DNAH6: variants seen among roughly 807,000 people sequenced by gnomAD.
DNAH6 encodes the protein dynein axonemal heavy chain 6, also known as axonemal beta dynein heavy chain 6.
In DNAH6, 340 loss-of-function variants were observed where a neutral mutation model predicts 491.4. The ratio of observed to expected loss-of-function variants is 0.69; its 90% CI spans 0.63 to 0.76. DNAH6 has a LOEUF of 0.76. DNAH6 is among the 30% of genes least tolerant of loss of function. DNAH6 has a pLI of 0.00. For missense variants in DNAH6, 4,443 were observed against 4,972.2 expected, an observed-to-expected ratio of 0.89 and a Z score of 3.20; for synonymous variants, 1,603 against 1,686.1, an observed-to-expected ratio of 0.95 and a Z score of 1.21.
intron 32 of DNAH6, among the ~76,000 whole-genome samples, chr2:84,641,001 C>A (rs563336943): frequency 9.2e-5 from 14 of 152,330 alleles, no homozygotes; most frequent in Admixed American, 3.3e-4. Context: ...AAAGAAACTT[C>A]ATAATTCCAA....
At chr2:84,511,208 C>T in the DNAH6 span, among the ~76,000 whole-genome samples, 62 of 152,334 alleles carry the variant, frequency 4.1e-4, no homozygotes, top group Middle Eastern at 3.4e-3. Context: ...CCTTGAACTG[C>T]GGTGGGCTCC....
At chr2:84,633,433 G>A (rs1211080851) in intron 29 of DNAH6, among the ~76,000 whole-genome samples, 1 of 152,110 alleles carries the variant, frequency 6.6e-6, no homozygotes, top group Non-Finnish European at 1.5e-5. Context: ...GAGGAAGGGA[G>A]AACAGAGAGA....
intron 70 of DNAH6, 142 bp from the exon 71 acceptor site, chr2:84,805,523 T>TGG: frequency 2.8e-6 from 2 of 718,058 alleles, no homozygotes; most frequent in East Asian, 3.2e-5. Flanking sequence ...ATGTTAATTG[T>TGG]TCTTACCACA....
At position 84,704,248 on chromosome 2, in the gene DNAH6, C is replaced by G; in HGVS notation, c.8411C>G (p.Pro2804Arg). ...TCTGAAATCAGAGTTTTTACAAAGC[C>G]CCCAGATTTGGTCATGACAGTAATG... ...DISEIRVFTKPPDLVMTVMEA... is the reference protein window; with the variant it reads ...DISEIRVFTKRPDLVMTVMEA... Residue 2804 changes from proline to arginine, a missense_variant, in exon 51 of 77, where the codon CCC becomes CGC. By Grantham distance (103) the Pro-to-Arg change is moderately radical. Around this residue, in one of 3 missense-constraint regions of DNAH6, gnomAD observed 1,463 missense variants for 1,656.6 expected, o/e 0.88. Coordinates refer to ENST00000389394, the MANE Select transcript of DNAH6 (RefSeq NM_001370.2). The G allele has an allele frequency of 3.2e-6, 5 of 1,551,684 alleles. No individual in the cohort carries two copies. The highest frequency in any genetic ancestry group is 4.4e-6 in the Non-Finnish European group (5 of 1,146,990).
chr2:84,818,214 G>C (rs923537304), intron 76 of DNAH6, among the ~76,000 whole-genome samples: 3 of 152,048 alleles, frequency 2.0e-5, no homozygotes, highest in Admixed American at 6.6e-5. Context: ...AAAAAAGAAA[G>C]ACAATCAGAC....
intron 75 of DNAH6, among the ~76,000 whole-genome samples, chr2:84,814,507 C>T (rs899996665): frequency 6.6e-6 from 1 of 152,120 alleles, no homozygotes; most frequent in Non-Finnish European, 1.5e-5. Context: ...ATGTCTGCAC[C>T]TCATATTATT....
chr2:84,760,057 C>A (rs13422612), intron 63 of DNAH6, among the ~76,000 whole-genome samples: 21,060 of 152,088 alleles, frequency 0.14, 1,629 homozygotes, highest in African/African-American at 0.21. Flanking sequence ...CAAGAACATA[C>A]AATAGGAAAA....
chr2:84,460,855 C>T, the DNAH6 span, among the ~76,000 whole-genome samples: 1 of 152,212 alleles, frequency 6.6e-6, no homozygotes, highest in Non-Finnish European at 1.5e-5. Context: ...AGCCAGTGCC[C>T]TTATACAAAG....
chr2:84,625,825 G>C (rs1687806334), intron 29 of DNAH6, among the ~76,000 whole-genome samples: 1 of 152,094 alleles, frequency 6.6e-6, no homozygotes. Context: ...CAGTCTGTTG[G>C]GATATGTTTT....
intron 62 of DNAH6, among the ~76,000 whole-genome samples, chr2:84,743,433 T>A (rs1185329641): frequency 2.0e-5 from 3 of 152,242 alleles, no homozygotes; most frequent in South Asian, 2.1e-4. Flanking sequence ...TCTAATTCCA[T>A]TGTCAATCTT....
chr2:84,660,525 T>C (rs952508416), intron 37 of DNAH6, among the ~76,000 whole-genome samples: 4 of 152,122 alleles, frequency 2.6e-5, no homozygotes, highest in African/African-American at 9.7e-5. Flanking sequence ...ATTATTGTAA[T>C]AATTGATTTA....
At position 84,813,041 on chromosome 2, in the gene DNAH6, A is replaced by C. The variant is rs1680149149; in HGVS notation, c.11926-17A>C. ...ATCCCAGAAATAACGTTTATTATGAATATGTTTCTCCTTCAGCTGTGGCTC... is the reference window on the plus strand; with the variant it reads ...ATCCCAGAAATAACGTTTATTATGACTATGTTTCTCCTTCAGCTGTGGCTC... On this transcript the variant is annotated splice_polypyrimidine_tract_variant and intron_variant, in intron 73 of 76. Transcript: ENST00000389394. 6.5e-7 allele frequency: 1 copy of C among 1,542,674 alleles called. No homozygotes were observed. The highest frequency in any genetic ancestry group is 1.4e-5 in the African/African-American group (1 of 72,812).
At chr2:84,562,248 A>T (rs1274742053) in intron 11 of DNAH6, among the ~76,000 whole-genome samples, 1 of 152,146 alleles carries the variant, frequency 6.6e-6, no homozygotes, top group Non-Finnish European at 1.5e-5. Flanking sequence ...ATCGTCACTC[A>T]GAGAAAGAAA....
rs186037944 is a variant in DNAH6, at chr2:84,604,284, G to T, written c.2869-55G>T. 107 of 1,372,112 alleles carry T rather than the reference G, an allele frequency of 7.8e-5. 1 individual carries two copies. In the African/African-American group the frequency reaches 1.4e-3, roughly 18 times the overall value. 85.0% of individuals were successfully genotyped at this position (1,372,112 alleles called of 1,614,324 possible). A position where few individuals can be genotyped will look rare whatever the true frequency, so the allele number is the denominator to read the frequency against. On this transcript the variant is annotated intron_variant, in intron 18 of 76. Transcript: ENST00000389394. ...TGCACAAATTGAAACCAGAACCTGTGGGTTATATTTTTAAGATAAAAAGCT... is the reference window on the plus strand; with the variant it reads ...TGCACAAATTGAAACCAGAACCTGTTGGTTATATTTTTAAGATAAAAAGCT...
intron 64 of DNAH6, among the ~76,000 whole-genome samples, chr2:84,775,895 T>C (rs1329120781): frequency 2.0e-5 from 3 of 152,216 alleles, no homozygotes; most frequent in Admixed American, 6.5e-5. Context: ...TATTTGGATC[T>C]TCTCTCTTTT....
upstream of DNAH6, among the ~76,000 whole-genome samples, chr2:84,514,247 A>G (rs572441584): frequency 1.3e-5 from 2 of 152,318 alleles, no homozygotes; most frequent in South Asian, 2.1e-4. Context: ...CTATGATTCA[A>G]TAATCTTGGG....
At chr2:84,469,877 G>T in the DNAH6 span, among the ~76,000 whole-genome samples, 1 of 152,230 alleles carries the variant, frequency 6.6e-6, no homozygotes, top group Middle Eastern at 3.4e-3. The surrounding 1 kb of genome is among the most constrained non-coding windows in gnomAD (Gnocchi z 4.0). Context: ...ACCAAATGGG[G>T]CCTCTAACCC....
At chr2:84,507,248 G>A in the DNAH6 span, among the ~76,000 whole-genome samples, 3 of 152,302 alleles carry the variant, frequency 2.0e-5, no homozygotes, top group Non-Finnish European at 4.4e-5. Context: ...TCATTGAGCA[G>A]TGGTTTGTAG....
chr2:84,761,349 TA>T (rs144087924), intron 63 of DNAH6, among the ~76,000 whole-genome samples: 1,826 of 148,330 alleles, frequency 0.012, 36 homozygotes, highest in African/African-American at 0.042. Flanking sequence ...GGATGGAGGA[TA>T]AAAAAAAAAT....
Sources: allele counts gnomAD v4.1 joint callset (sites outside exome capture counted in the v4.1 genomes callset), GRCh38; gene constraint gnomAD v4.1.1; regional missense constraint gnomAD v4.1.1; non-coding constraint Gnocchi (gnomAD v3.1); transcripts MANE v1.5; gene names NCBI Gene and HGNC (gene_info 2026-07-23, HGNC 2026-07-21).